Variants in MYO16 observed in about 807,000 individuals in gnomAD.
MYO16 encodes the protein myosin XVI.
Under a neutral mutation model 205.3 loss-of-function variants are expected in MYO16, and 94 were observed. The observed-to-expected ratio is 0.46, with a 90% CI of 0.39 to 0.54. The LOEUF (loss-of-function observed/expected upper bound fraction) is 0.54, where lower values mean the gene tolerates loss of function less well. Among genes scored for constraint, MYO16 ranks in the 20% least tolerant of loss-of-function variants. MYO16 has a pLI of 0.00. For missense variants in MYO16, 2,315 were observed against 2,387.5 expected, an observed-to-expected ratio of 0.97 and a Z score of 0.63; for synonymous variants, 988 against 954.0, an observed-to-expected ratio of 1.04 and a Z score of -0.66.
At chr13:108,519,963 AT>A in the MYO16 span, among the ~76,000 whole-genome samples, 1 of 152,286 alleles carries the variant, frequency 6.6e-6, no homozygotes, top group Non-Finnish European at 1.5e-5. Flanking sequence ...GAGGAAGCGT[AT>A]TTTTTGACCC....
chr13:109,098,809 A>T (rs1214315958), intron 27 of MYO16, among the ~76,000 whole-genome samples: 2 of 152,130 alleles, frequency 1.3e-5, no homozygotes, highest in African/African-American at 4.8e-5. Context: ...TGTCATATAA[A>T]ATCCACTTTT....
intron 23 of MYO16, among the ~76,000 whole-genome samples, chr13:109,036,869 C>T (rs1886734497): frequency 6.6e-6 from 1 of 152,180 alleles, no homozygotes; most frequent in East Asian, 1.9e-4. Context: ...CTATCTTTGG[C>T]TACTTTCATG....
chr13:108,842,939 C>A (rs1054935155), intron 9 of MYO16, among the ~76,000 whole-genome samples: 21 of 152,104 alleles, frequency 1.4e-4, no homozygotes, highest in African/African-American at 3.9e-4. Flanking sequence ...AAAAGAAATT[C>A]TATCATTTGC....
At chr13:108,990,735 TTCTC>T (rs1036246383) in intron 20 of MYO16, among the ~76,000 whole-genome samples, 3 of 152,122 alleles carry the variant, frequency 2.0e-5, no homozygotes, top group Non-Finnish European at 2.9e-5. Context: ...TTTTAAAAAA[TTCTC>T]TCCCTCCTAC....
At chr13:108,624,861 A>T (rs568903623), upstream of MYO16, among the ~76,000 whole-genome samples, 1 of 150,316 alleles carries the variant, frequency 6.7e-6, no homozygotes, top group Non-Finnish European at 1.5e-5. Flanking sequence ...ACATGCATGT[A>T]TTTGCTATTA....
intron 4 of MYO16, among the ~76,000 whole-genome samples, chr13:108,756,579 A>G (rs1471495024): frequency 6.6e-6 from 1 of 152,154 alleles, no homozygotes; most frequent in Non-Finnish European, 1.5e-5. Context: ...AATTTGAATC[A>G]TTTATGTTAA....
intron 10 of MYO16, among the ~76,000 whole-genome samples, chr13:108,849,683 G>T (rs1226516309): frequency 1.5e-5 from 2 of 131,962 alleles, no homozygotes; most frequent in Non-Finnish European, 3.1e-5. Flanking sequence ...TCCATACTGG[G>T]TTATTTGTGC....
the MYO16 span, among the ~76,000 whole-genome samples, chr13:108,505,869 T>A: frequency 3.3e-5 from 5 of 152,178 alleles, no homozygotes; most frequent in Non-Finnish European, 4.4e-5. Context: ...CAAATGTCAT[T>A]GTCTTGCAAG....
intron 1 of MYO16, among the ~76,000 whole-genome samples, chr13:108,597,850 G>A (rs965133727): frequency 6.6e-5 from 10 of 152,178 alleles, no homozygotes; most frequent in Non-Finnish European, 2.9e-5. Flanking sequence ...ATGGTTTCAA[G>A]ATGGAAAACC....
intron 27 of MYO16, among the ~76,000 whole-genome samples, chr13:109,080,032 C>T (rs953090743): frequency 1.3e-5 from 2 of 151,796 alleles, no homozygotes; most frequent in African/African-American, 4.8e-5. Flanking sequence ...CCTGCCACCA[C>T]AGCCAGCAAA....
chr13:108,554,848 TAAAAAA>T, the MYO16 span, among the ~76,000 whole-genome samples: 4 of 77,994 alleles, frequency 5.1e-5, no homozygotes, highest in Middle Eastern at 8.5e-3. Context: ...AGACTCTGAC[TAAAAAA>T]AAAAAAAAAA....
chr13:109,137,916 C>T, intron 31 of MYO16, among the ~76,000 whole-genome samples: 1 of 152,210 alleles, frequency 6.6e-6, no homozygotes, highest in East Asian at 1.9e-4. Context: ...CCTGTTGGTT[C>T]TCATCTTCAA....
chr13:108,913,966 T>G (rs1392920058), intron 16 of MYO16, among the ~76,000 whole-genome samples: 2 of 152,150 alleles, frequency 1.3e-5, no homozygotes, highest in African/African-American at 4.8e-5. Flanking sequence ...TCCCTTTTTT[T>G]GTCTATAAAT....
chr13:108,719,450 C>G (rs1484778337), intron 3 of MYO16, among the ~76,000 whole-genome samples: 1 of 152,042 alleles, frequency 6.6e-6, no homozygotes, highest in Non-Finnish European at 1.5e-5. Context: ...CTGTTTCTTA[C>G]TTTGGGGAGC....
chr13:108,901,173 C>G (rs927844908), intron 15 of MYO16, among the ~76,000 whole-genome samples: 8 of 152,126 alleles, frequency 5.3e-5, no homozygotes, highest in African/African-American at 1.9e-4. Flanking sequence ...TTAATTTCGC[C>G]CCAGTCCTGT....
the MYO16 span, among the ~76,000 whole-genome samples, chr13:108,529,914 C>G: frequency 6.6e-6 from 1 of 152,164 alleles, no homozygotes; most frequent in Admixed American, 6.5e-5. Context: ...AGCACAGGGG[C>G]AGAGTGGGGG....
chr13:109,159,223 C>CA (rs1878240969), intron 32 of MYO16, among the ~76,000 whole-genome samples: 1 of 152,180 alleles, frequency 6.6e-6, no homozygotes, highest in Non-Finnish European at 1.5e-5. Flanking sequence ...TCACCTCATG[C>CA]AATGAGATAT....
At chr13:109,084,799 G>A (rs762599290) in intron 27 of MYO16, among the ~76,000 whole-genome samples, 5 of 151,516 alleles carry the variant, frequency 3.3e-5, no homozygotes, top group Admixed American at 2.6e-4. Flanking sequence ...GTCCCAAAGT[G>A]TGGGACACTT....
chr13:109,042,071 C>T (rs2139581774), intron 23 of MYO16, among the ~76,000 whole-genome samples: 1 of 152,114 alleles, frequency 6.6e-6, no homozygotes, highest in African/African-American at 2.4e-5. Context: ...GCCATGTTGA[C>T]CAGGCTGATC....
Sources: allele counts gnomAD v4.1 joint callset (sites outside exome capture counted in the v4.1 genomes callset), GRCh38; gene constraint gnomAD v4.1.1; transcripts MANE v1.5; gene names NCBI Gene and HGNC (gene_info 2026-07-23, HGNC 2026-07-21).